Variants in PTPRT observed in about 807,000 individuals in gnomAD.
PTPRT encodes the protein protein tyrosine phosphatase receptor type T, also known as receptor-type tyrosine-protein phosphatase T.
In PTPRT, 56 loss-of-function variants were observed where a neutral mutation model predicts 176.8. The ratio of observed to expected loss-of-function variants is 0.32; its 90% CI spans 0.26 to 0.40. PTPRT has a LOEUF of 0.40. Ranked by LOEUF, PTPRT falls within the 10% of genes least tolerant of loss-of-function variation. The pLI, the probability that PTPRT is intolerant of heterozygous loss-of-function variation, is 1.00. For synonymous variants in PTPRT, 783 were observed against 739.0 expected, an observed-to-expected ratio of 1.06 and a Z score of -0.96; for missense variants, 1,540 against 1,908.2, an observed-to-expected ratio of 0.81 and a Z score of 3.60.
At chr20:42,184,523 TTCTTCTTCTTCC>T (rs1990654579) in intron 16 of PTPRT, among the ~76,000 whole-genome samples, 1 of 100,156 alleles carries the variant, frequency 1.0e-5, no homozygotes. Context: ...CTCCTCCTTC[TTCTTCTTCTTCC>T]TCTTCCTCTT....
intron 7 of PTPRT, among the ~76,000 whole-genome samples, chr20:42,594,773 A>G (rs886676376): frequency 4.6e-5 from 7 of 152,164 alleles, no homozygotes; most frequent in African/African-American, 1.7e-4. Context: ...CAGATTTTCA[A>G]AAATCCAGCT....
chr20:42,412,563 G>A (rs556091688), intron 9 of PTPRT, among the ~76,000 whole-genome samples: 2 of 152,236 alleles, frequency 1.3e-5, no homozygotes, highest in African/African-American at 4.8e-5. Flanking sequence ...ATTTATCCAA[G>A]AGAAATAAAA....
intron 6 of PTPRT, among the ~76,000 whole-genome samples, chr20:42,752,285 G>A (rs559846850): frequency 2.0e-5 from 3 of 152,288 alleles, no homozygotes; most frequent in Non-Finnish European, 2.9e-5. Flanking sequence ...GCCTATGCAG[G>A]GCACTGTTCT....
intron 1 of PTPRT, chr20:42,970,704 T>A (rs564841333): frequency 6.6e-6 from 1 of 152,364 alleles, no homozygotes; most frequent in East Asian, 1.9e-4. Flanking sequence ...TTGCTTCACA[T>A]TTTAACTTCT....
chr20:42,096,770 T>TAAA (rs1985294052), intron 27 of PTPRT, among the ~76,000 whole-genome samples: 3 of 143,924 alleles, frequency 2.1e-5, no homozygotes, highest in African/African-American at 7.5e-5. Flanking sequence ...TTTTTTTTTT[T>TAAA]TTTTTTTTTT....
chr20:43,084,042 G>C (rs1337555098), intron 1 of PTPRT, among the ~76,000 whole-genome samples: 3 of 152,210 alleles, frequency 2.0e-5, no homozygotes, highest in Non-Finnish European at 4.4e-5. Flanking sequence ...TTTGCCAGCT[G>C]ATGGATATTT....
intron 20 of PTPRT, 112 bp downstream of exon 20, chr20:42,119,822 AG>A (rs967072180): frequency 3.3e-6 from 3 of 913,962 alleles, no homozygotes; most frequent in Non-Finnish European, 4.9e-6. Flanking sequence ...GTGAAAAAGG[AG>A]GGTTGGAGTA....
chr20:42,364,044 T>C (rs759755552), intron 9 of PTPRT, among the ~76,000 whole-genome samples: 3 of 151,930 alleles, frequency 2.0e-5, no homozygotes, highest in Non-Finnish European at 2.9e-5. Flanking sequence ...AGGCCAAAAT[T>C]AAGGTGAAAT....
rs538088152 is a variant in PTPRT, at chr20:42,723,710, C to T, written c.859+32752G>A. Among the ~76,000 whole-genome samples, 77 of 152,322 alleles carry T rather than the reference C, an allele frequency of 5.1e-4. 1 individual carries two copies. The Middle Eastern group carries it at 0.01, about 20-fold the overall frequency. ...CAGAGGAGATCCCAGCAAGATGCCA[C>T]GTGCTTTTGAGATATCCTCATTGTC... On this transcript the variant is annotated intron_variant, in intron 6 of 30. Transcript: ENST00000373187.
chr20:43,159,830 T>C (rs991341002), intron 1 of PTPRT, among the ~76,000 whole-genome samples: 1 of 151,550 alleles, frequency 6.6e-6, no homozygotes, highest in Non-Finnish European at 1.5e-5. Context: ...TGGTCGCTGT[T>C]TTTCGCCCCG....
intron 2 of PTPRT, among the ~76,000 whole-genome samples, chr20:42,880,457 T>A (rs1182717980): frequency 6.6e-6 from 1 of 152,158 alleles, no homozygotes; most frequent in Non-Finnish European, 1.5e-5. Flanking sequence ...CTACAAGTAT[T>A]CAAAGGATAT....
intron 9 of PTPRT, among the ~76,000 whole-genome samples, chr20:42,373,714 A>G (rs990601232): frequency 6.6e-6 from 1 of 152,246 alleles, no homozygotes; most frequent in African/African-American, 2.4e-5. Flanking sequence ...GTGTGACACC[A>G]TGTGCAGGGA....
chr20:42,267,534 A>G (rs2056859934), intron 13 of PTPRT, among the ~76,000 whole-genome samples: 4 of 152,210 alleles, frequency 2.6e-5, no homozygotes. Context: ...ATTAAACAGT[A>G]TGGCTCTGGA....
At chr20:42,931,624 G>A (rs1979853474) in intron 1 of PTPRT, among the ~76,000 whole-genome samples, 1 of 152,214 alleles carries the variant, frequency 6.6e-6, no homozygotes, top group African/African-American at 2.4e-5. Flanking sequence ...CAAGCACTGT[G>A]CAGGCTTCTA....
chr20:43,152,673 A>T (rs2014396800), intron 1 of PTPRT, among the ~76,000 whole-genome samples: 1 of 152,234 alleles, frequency 6.6e-6, no homozygotes, highest in Admixed American at 6.5e-5. Flanking sequence ...GTAGAGGATG[A>T]TACTCAGGTG....
chr20:42,260,501 C>CA (rs1442978106), intron 13 of PTPRT, among the ~76,000 whole-genome samples: 1 of 152,210 alleles, frequency 6.6e-6, no homozygotes, highest in Admixed American at 6.5e-5. Context: ...TGCCCTGCAG[C>CA]AAAGTGATAG....
At chr20:42,108,574 A>T (rs1419991696) in intron 23 of PTPRT, among the ~76,000 whole-genome samples, 2 of 152,246 alleles carry the variant, frequency 1.3e-5, no homozygotes, top group African/African-American at 4.8e-5. Flanking sequence ...TTATTGAGAA[A>T]TTATTACTAT....
intron 1 of PTPRT, among the ~76,000 whole-genome samples, chr20:43,083,283 T>A (rs2011488611): frequency 7.1e-6 from 1 of 141,058 alleles, no homozygotes; most frequent in Admixed American, 7.3e-5. Flanking sequence ...TTTTTTGAGG[T>A]ATAATTTATA....
chr20:43,027,190 A>T (rs1373896398), intron 1 of PTPRT, among the ~76,000 whole-genome samples: 2 of 152,122 alleles, frequency 1.3e-5, no homozygotes, highest in Non-Finnish European at 2.9e-5. Flanking sequence ...TAAATTAGAC[A>T]GTTACAGCCA....
Sources: gnomAD v4.1 joint callset for allele counts (sites outside exome capture counted in the v4.1 genomes callset) on GRCh38, gnomAD v4.1.1 for gene constraint, MANE v1.5 for transcripts, NCBI Gene and HGNC (gene_info 2026-07-23, HGNC 2026-07-21) for gene names.